Variants in OCA2 observed in about 807,000 individuals in gnomAD.
The protein encoded by OCA2 is P protein.
Under a neutral mutation model 100.2 loss-of-function variants are expected in OCA2, and 77 were observed. The ratio of observed to expected loss-of-function variants is 0.77; its 90% CI spans 0.64 to 0.93. The LOEUF is 0.93. OCA2 is among the 40% of genes least tolerant of loss of function. The pLI is 0.00. For missense variants in OCA2, 1,062 were observed against 1,089.1 expected, an observed-to-expected ratio of 0.98 and a Z score of 0.35; for synonymous variants, 432 against 439.2, an observed-to-expected ratio of 0.98 and a Z score of 0.21.
At chr15:27,816,596 G>A (rs2034309915) in intron 23 of OCA2, among the ~76,000 whole-genome samples, 2 of 152,004 alleles carry the variant, frequency 1.3e-5, no homozygotes, top group African/African-American at 4.8e-5. Context: ...CAGGGAAGGT[G>A]CCCCATGGCT....
intron 23 of OCA2, among the ~76,000 whole-genome samples, chr15:27,780,245 G>A (rs1376824975): frequency 6.6e-6 from 1 of 152,174 alleles, no homozygotes; most frequent in Non-Finnish European, 1.5e-5. Context: ...GTTCTCTCGG[G>A]CTTCTGTCCA....
At chr15:27,733,509 C>T in the OCA2 span, among the ~76,000 whole-genome samples, 61 of 152,184 alleles carry the variant, frequency 4.0e-4, 1 homozygote, top group Non-Finnish European at 5.9e-5. Context: ...CCCTTCCTAA[C>T]AGGGCTGTTC....
At chr15:27,895,968 A>G in intron 19 of OCA2, 2 of 735,906 alleles carry the variant, frequency 2.7e-6, no homozygotes, top group Non-Finnish European at 4.9e-6. Flanking sequence ...TATGGTTTGA[A>G]GGTTGGCCTG....
intron 23 of OCA2, among the ~76,000 whole-genome samples, chr15:27,807,801 A>C (rs886202576): frequency 6.6e-6 from 1 of 152,254 alleles, no homozygotes; most frequent in Admixed American, 6.5e-5. Flanking sequence ...AAAAGTTTTC[A>C]AACGTTTCTT....
rs34704703 is a variant in OCA2 at position 27,755,405 on chromosome 15, C to T, written c.2500G>A (p.Val834Met). 7.1e-4 allele frequency: 1,139 copies of T among 1,613,298 alleles called. 8 individuals are homozygous for T. The African/African-American group carries it at 0.014, about 19-fold the overall frequency. ...GATGTCTATTAATTCCATCCCACCA[C>T]CACATGAGCCACAAGGAGATAACAC... ...GMCYLLVAHV[V>M]VGWN The change falls in exon 24 of 24, where the codon GTG becomes ATG. Residue 834 changes from valine to methionine, a missense_variant. Val to Met is a conservative substitution (Grantham distance 21). Coordinates refer to ENST00000354638, the MANE Select transcript of OCA2 (RefSeq NM_000275.3).
intron 2 of OCA2, among the ~76,000 whole-genome samples, chr15:28,046,176 G>A (rs189417945): frequency 2.1e-4 from 32 of 152,246 alleles, no homozygotes; most frequent in Middle Eastern, 3.4e-3. Flanking sequence ...GACTTTACCC[G>A]CAGTGCCATC....
chr15:27,874,554 A>G (rs1435855249), intron 19 of OCA2, among the ~76,000 whole-genome samples: 3 of 152,210 alleles, frequency 2.0e-5, no homozygotes, highest in African/African-American at 7.2e-5. Context: ...AAGCAGCATG[A>G]ATGAGAGCAG....
chr15:27,913,891 G>GC (rs2038537050), intron 19 of OCA2, among the ~76,000 whole-genome samples: 10 of 42,088 alleles, frequency 2.4e-4, no homozygotes, highest in Admixed American at 5.6e-4. Context: ...AAGAAAGAAA[G>GC]AAAGCAAGCA....
At chr15:28,095,633 C>T (rs926886365) in intron 1 of OCA2, among the ~76,000 whole-genome samples, 6 of 151,270 alleles carry the variant, frequency 4.0e-5, no homozygotes, top group African/African-American at 1.5e-4. Context: ...AGGAGAACCG[C>T]TTGAACCAGG....
chr15:27,730,732 AATATATATATAT>A, the OCA2 span, among the ~76,000 whole-genome samples: 7,362 of 101,812 alleles, frequency 0.072, 311 homozygotes, highest in East Asian at 0.14. Flanking sequence ...AAAAAGACCA[AATATATATATAT>A]ATATATATAT....
chr15:27,878,279 A>T (rs2036871778), intron 19 of OCA2, among the ~76,000 whole-genome samples: 1 of 152,082 alleles, frequency 6.6e-6, no homozygotes, highest in Non-Finnish European at 1.5e-5. Context: ...TATCTTTTAC[A>T]CTTACCTACT....
intron 14 of OCA2, among the ~76,000 whole-genome samples, chr15:27,974,001 T>C (rs1200489437): frequency 6.6e-6 from 1 of 152,208 alleles, no homozygotes; most frequent in African/African-American, 2.4e-5. Context: ...TGTTGGTATA[T>C]AGCAGTGCTA....
chr15:28,068,591 A>C (rs2044096590), intron 2 of OCA2, among the ~76,000 whole-genome samples: 1 of 152,282 alleles, frequency 6.6e-6, no homozygotes, highest in South Asian at 2.1e-4. Context: ...AACTCACTCT[A>C]TTAAGCCAGC....
chr15:27,847,204 C>G (rs962033860), intron 22 of OCA2, among the ~76,000 whole-genome samples: 1 of 152,214 alleles, frequency 6.6e-6, no homozygotes, highest in South Asian at 2.1e-4. Context: ...GAATGCTTTA[C>G]GGGCAACAGA....
At chr15:27,865,023 G>C (rs2036269255) in intron 21 of OCA2, among the ~76,000 whole-genome samples, 1 of 151,856 alleles carries the variant, frequency 6.6e-6, no homozygotes, top group Admixed American at 6.6e-5. Context: ...GCCAAGAAAA[G>C]AAATAGGAAG....
At chr15:28,020,796 A>G (rs2141282458) in intron 6 of OCA2, among the ~76,000 whole-genome samples, 1 of 152,214 alleles carries the variant, frequency 6.6e-6, no homozygotes, top group East Asian at 1.9e-4. Flanking sequence ...TGCTTCTAAA[A>G]CTGTGGGTGC....
At chr15:27,767,775 G>T (rs952067334) in intron 23 of OCA2, among the ~76,000 whole-genome samples, 1 of 152,176 alleles carries the variant, frequency 6.6e-6, no homozygotes, top group Non-Finnish European at 1.5e-5. Flanking sequence ...GGACAAATAA[G>T]CAAATAAAAG....
intron 2 of OCA2, among the ~76,000 whole-genome samples, chr15:28,040,460 A>G (rs1368314672): frequency 6.6e-6 from 1 of 152,224 alleles, no homozygotes; most frequent in Non-Finnish European, 1.5e-5. Context: ...TGGAAAAAGG[A>G]GAACAAACTA....
intron 21 of OCA2, among the ~76,000 whole-genome samples, chr15:27,868,224 C>T (rs1284807208): frequency 1.3e-5 from 2 of 152,102 alleles, no homozygotes; most frequent in Admixed American, 6.5e-5. Flanking sequence ...CCACCTGCAG[C>T]GGAAATCAGG....
Sources: allele counts gnomAD v4.1 joint callset (sites outside exome capture counted in the v4.1 genomes callset), GRCh38; gene constraint gnomAD v4.1.1; transcripts MANE v1.5; gene names NCBI Gene and HGNC (gene_info 2026-07-23, HGNC 2026-07-21).